The following UCHL3 variants were observed in gnomAD, a reference collection of about 807,000 sequenced individuals.
UCHL3 encodes ubiquitin carboxyl-terminal hydrolase isozyme L3.
In UCHL3, 22 loss-of-function variants were observed where a neutral mutation model predicts 35.8. The observed-to-expected ratio is 0.61, with a 90% CI of 0.44 to 0.88. The LOEUF is 0.88. UCHL3 is among the 40% of genes least tolerant of loss of function. UCHL3 has a pLI of 0.00. For missense variants in UCHL3, 229 were observed against 276.9 expected, an observed-to-expected ratio of 0.83 and a Z score of 1.23; for synonymous variants, 90 against 92.8, an observed-to-expected ratio of 0.97 and a Z score of 0.17.
At chr13:75,581,863 G>A (rs549270611) in intron 6 of UCHL3, among the ~76,000 whole-genome samples, 2 of 152,258 alleles carry the variant, frequency 1.3e-5, no homozygotes, top group African/African-American at 4.8e-5. Context: ...CTTTGAGGAC[G>A]TAGGTGGTGA....
intron 6 of UCHL3, among the ~76,000 whole-genome samples, chr13:75,571,711 T>G (rs2031861876): frequency 6.6e-6 from 1 of 152,156 alleles, no homozygotes; most frequent in African/African-American, 2.4e-5. Context: ...AGAGCAGTGA[T>G]TCTCAAGATG....
chr13:75,569,524 C>A lies in UCHL3; in HGVS notation c.474+17C>A. On this transcript the variant is annotated intron_variant, in intron 6 of 8. Transcript: ENST00000377595. ...CAGACTGAGGTATTTCACATTTTTT[C>A]TAAATTTTTCTTGCTATAAATTTAA... 6.2e-7 allele frequency: 1 copy of A among 1,601,750 alleles called. No homozygotes were observed. The highest frequency in any genetic ancestry group is 1.1e-5 in the South Asian group (1 of 87,912).
At chr13:75,586,875 G>A (rs988378733) in intron 6 of UCHL3, among the ~76,000 whole-genome samples, 2 of 151,742 alleles carry the variant, frequency 1.3e-5, no homozygotes, top group Admixed American at 1.3e-4. Flanking sequence ...TGCAGGGGTT[G>A]GAGAGAAATC....
chr13:75,578,619 AG>A (rs1267864467), intron 6 of UCHL3, among the ~76,000 whole-genome samples: 1 of 152,070 alleles, frequency 6.6e-6, no homozygotes, highest in Non-Finnish European at 1.5e-5. Flanking sequence ...CTTGTTTAAT[AG>A]GGGGAAATAA....
intron 2 of UCHL3, among the ~76,000 whole-genome samples, chr13:75,553,693 TC>T (rs1407419387): frequency 1.3e-5 from 2 of 152,216 alleles, no homozygotes; most frequent in Non-Finnish European, 1.5e-5. Flanking sequence ...GACCCCATGT[TC>T]CTTGAAACCC....
chr13:75,581,795 A>AT (rs890371320), intron 6 of UCHL3, among the ~76,000 whole-genome samples: 1 of 150,966 alleles, frequency 6.6e-6, no homozygotes, highest in Admixed American at 6.6e-5. Context: ...TAATTTATTC[A>AT]TTTTTTGCTG....
chr13:75,553,951 A>G (rs2031203900), intron 2 of UCHL3, among the ~76,000 whole-genome samples: 1 of 152,150 alleles, frequency 6.6e-6, no homozygotes, highest in African/African-American at 2.4e-5. Flanking sequence ...AGGCCGTAGT[A>G]TCTTGATTTG....
chr13:75,595,527 G>A (rs1008490120), intron 7 of UCHL3, among the ~76,000 whole-genome samples: 1 of 145,478 alleles, frequency 6.9e-6, no homozygotes, highest in African/African-American at 2.6e-5. Context: ...AACACAGGAG[G>A]TGGAGGTTTC....
At chr13:75,587,047 A>G (rs574905463) in intron 6 of UCHL3, among the ~76,000 whole-genome samples, 1 of 151,412 alleles carries the variant, frequency 6.6e-6, no homozygotes, top group African/African-American at 2.4e-5. Flanking sequence ...AGCAAATTAA[A>G]TCCAAAATGC....
At chr13:75,564,911 G>C (rs575478641) in intron 3 of UCHL3, among the ~76,000 whole-genome samples, 3 of 152,042 alleles carry the variant, frequency 2.0e-5, no homozygotes, top group Non-Finnish European at 4.4e-5. Flanking sequence ...AGCCTGGCTG[G>C]TCTTGAACTC....
chr13:75,559,928 A>T (rs979855018), intron 2 of UCHL3, among the ~76,000 whole-genome samples: 1 of 152,122 alleles, frequency 6.6e-6, no homozygotes, highest in African/African-American at 2.4e-5. Context: ...TCTCTATGTG[A>T]TAGATTAAGG....
chr13:75,590,048 T>C, intron 6 of UCHL3: 2 of 1,304,596 alleles, frequency 1.5e-6, no homozygotes, highest in South Asian at 2.5e-5. Context: ...ATGTAGGCCC[T>C]GCAAAGGCTA....
At chr13:75,592,455 T>TACGTATATAC (rs1566228215) in intron 6 of UCHL3, among the ~76,000 whole-genome samples, 1 of 109,564 alleles carries the variant, frequency 9.1e-6, no homozygotes, top group African/African-American at 3.2e-5. Flanking sequence ...TATATATATA[T>TACGTATATAC]ATATATATAT....
chr13:75,560,802 A>G lies in UCHL3; in HGVS notation c.104A>G (p.Tyr35Cys). 1 of 1,600,060 alleles carries G rather than the reference A, an allele frequency of 6.2e-7. No homozygotes were observed. Among genetic ancestry groups the G allele is most frequent in the Non-Finnish European group, 8.5e-7 (1 of 1,175,508 alleles). The change falls in exon 3 of 9, where the codon TAT (tyrosine) becomes TGT (cysteine). Residue 35 changes from tyrosine to cysteine, a missense_variant. Tyr to Cys is a radical substitution (Grantham distance 194, BLOSUM62 -2). Transcript: ENST00000377595. ...CCTAACTGGCAATTCGTTGATGTAT[A>G]TGGAATGGATCCTGAACTCCTTAGC... ...LHPNWQFVDV[Y>C]GMDPELLSMV...
At chr13:75,590,979 A>T (rs905600750) in intron 6 of UCHL3, among the ~76,000 whole-genome samples, 2 of 152,190 alleles carry the variant, frequency 1.3e-5, no homozygotes, top group African/African-American at 2.4e-5. Flanking sequence ...AAAGGCAATG[A>T]CTGTGGTTTG....
chr13:75,574,498 G>A (rs938212392), intron 6 of UCHL3, among the ~76,000 whole-genome samples: 1 of 152,108 alleles, frequency 6.6e-6, no homozygotes, highest in Non-Finnish European at 1.5e-5. Flanking sequence ...GAAGGTAAGA[G>A]CACAGGATAT....
At chr13:75,590,205 T>A in intron 6 of UCHL3, 2 of 1,207,718 alleles carry the variant, frequency 1.7e-6, no homozygotes, top group Non-Finnish European at 2.1e-6. Flanking sequence ...TTAACTTCGG[T>A]CTTCAGAGTG....
chr13:75,562,455 A>C (rs965819254), intron 3 of UCHL3, among the ~76,000 whole-genome samples: 3 of 152,124 alleles, frequency 2.0e-5, no homozygotes, highest in Admixed American at 6.6e-5. Flanking sequence ...ATACAATGTT[A>C]CTTTTACCTT....
chr13:75,564,991 C>T (rs927896742), intron 3 of UCHL3, among the ~76,000 whole-genome samples: 5 of 152,230 alleles, frequency 3.3e-5, no homozygotes, highest in African/African-American at 7.2e-5. Context: ...CTACTGCGCC[C>T]GGCCAGTGAT....
Sources: gnomAD v4.1 joint callset for allele counts (sites outside exome capture counted in the v4.1 genomes callset) on GRCh38, gnomAD v4.1.1 for gene constraint, MANE v1.5 for transcripts, NCBI Gene and HGNC (gene_info 2026-07-23, HGNC 2026-07-21) for gene names.